Variants in ITGAL observed in about 807,000 individuals in gnomAD.
ITGAL encodes the protein integrin subunit alpha L.
Under a neutral mutation model 138.4 loss-of-function variants are expected in ITGAL, and 68 were observed. The observed-to-expected ratio is 0.49, with a 90% CI of 0.40 to 0.60. The LOEUF (loss-of-function observed/expected upper bound fraction) is 0.60. Among genes scored for constraint, ITGAL ranks in the 20% least tolerant of loss-of-function variants. The pLI, the probability that ITGAL is intolerant of heterozygous loss-of-function variation, is 0.00. For missense variants in ITGAL, 1,256 were observed against 1,478.6 expected (o/e 0.85, Z 2.47); for synonymous variants, 561 against 584.3 (o/e 0.96, Z 0.57).
In ITGAL at chr16:30,516,967, T is replaced by A. The variant is rs1480999598; in HGVS notation, c.2863-6T>A. The A allele has an allele frequency of 2.5e-6, 4 of 1,603,838 alleles. No individual in the cohort carries two copies. The highest frequency in any genetic ancestry group is 1.1e-5 in the South Asian group (1 of 90,876). The stretch of plus-strand genomic sequence containing the variant: ...AGGGCTCTGCATCCCTTGTCCTCTG[T>A]GCCAGGTGAGGATCCAGCCTTCCAT... On this transcript the variant is annotated splice_region_variant and splice_polypyrimidine_tract_variant and intron_variant, in intron 25 of 30. Transcript: ENST00000356798.
chr16:30,499,457 A>T lies in ITGAL; in HGVS notation c.2113A>T (p.Met705Leu). The T allele has an allele frequency of 6.2e-7, 1 of 1,613,890 alleles. No homozygotes were observed. The highest frequency in any genetic ancestry group is 8.5e-7 in the Non-Finnish European group (1 of 1,180,018). ...LRRNIAVTTS[M>L]SCTDFSFHFP... Reference sequence around the variant, plus strand: ...AAGGAATATAGCTGTCACCACCAGCATGTCATGCACTGACTTCTCATTTCA... The same window carrying T: ...AAGGAATATAGCTGTCACCACCAGCTTGTCATGCACTGACTTCTCATTTCA... Residue 705 changes from methionine to leucine, a missense_variant, in exon 17 of 31, where the codon ATG (methionine) becomes TTG (leucine). Met to Leu is a conservative substitution (Grantham distance 15, BLOSUM62 2). Transcript: ENST00000356798.
intron 9 of ITGAL, 29 bp downstream of exon 9, chr16:30,484,292 G>C: frequency 1.3e-6 from 2 of 1,599,068 alleles, no homozygotes; most frequent in South Asian, 1.1e-5. Flanking sequence ...GAGAGGGCTC[G>C]GGAGTCTGCA....
chr16:30,512,516 G>A (rs181068425), intron 24 of ITGAL, among the ~76,000 whole-genome samples: 3 of 151,326 alleles, frequency 2.0e-5, no homozygotes, highest in African/African-American at 7.3e-5. Flanking sequence ...GAACCCGGGT[G>A]GAGGAGGTTG....
At chr16:30,476,270 T>C (rs950321995) in intron 4 of ITGAL, among the ~76,000 whole-genome samples, 6 of 151,800 alleles carry the variant, frequency 4.0e-5, no homozygotes, top group African/African-American at 1.5e-4. Context: ...AAAAGAATCT[T>C]CCTGCCTCAG....
At chr16:30,516,945 G>T (rs1285966872) in intron 25 of ITGAL, 28 bp from the exon 26 acceptor site, 1 of 1,518,298 alleles carries the variant, frequency 6.6e-7, no homozygotes, top group Non-Finnish European at 9.1e-7. Context: ...GGCATTCAGG[G>T]CTCTGCATCC....
chr16:30,507,011 A>G (rs1196146300), intron 21 of ITGAL, among the ~76,000 whole-genome samples, 155 bp downstream of exon 21: 1 of 152,194 alleles, frequency 6.6e-6, no homozygotes, highest in Non-Finnish European at 1.5e-5. Flanking sequence ...CTCGAGCTGT[A>G]TGATCCGAGG....
At chr16:30,487,632 G>A (rs1767117087) in intron 9 of ITGAL, among the ~76,000 whole-genome samples, 1 of 150,452 alleles carries the variant, frequency 6.6e-6, no homozygotes, top group East Asian at 2.0e-4. Flanking sequence ...GGCTGGTCTT[G>A]AACTCCTAAC....
At chr16:30,478,205 G>A (rs895546806) in intron 4 of ITGAL, among the ~76,000 whole-genome samples, 2 of 151,434 alleles carry the variant, frequency 1.3e-5, no homozygotes, top group Non-Finnish European at 2.9e-5. Flanking sequence ...GTGGTGGTGG[G>A]CACCTGTAGT....
At chr16:30,474,036 G>C (rs1206896412) in intron 1 of ITGAL, 160 bp from the exon 2 acceptor site, 1 of 699,682 alleles carries the variant, frequency 1.4e-6, no homozygotes, top group Non-Finnish European at 2.6e-6. Context: ...GCCGGGAGTT[G>C]CTCCTTCCAT....
chr16:30,518,311 T>A (rs747259054), intron 28 of ITGAL, among the ~76,000 whole-genome samples: 8 of 151,902 alleles, frequency 5.3e-5, no homozygotes, highest in Non-Finnish European at 8.8e-5. Context: ...TAGCCGGGCG[T>A]GGTGGCACAT....
chr16:30,506,308 C>A (rs1370938067), intron 20 of ITGAL, among the ~76,000 whole-genome samples: 1 of 147,232 alleles, frequency 6.8e-6, no homozygotes, highest in African/African-American at 2.5e-5. Flanking sequence ...AATCCCAGCA[C>A]TTTGGGAGGC....
chr16:30,484,569 C>T (rs2050611992), intron 9 of ITGAL, among the ~76,000 whole-genome samples: 1 of 151,580 alleles, frequency 6.6e-6, no homozygotes, highest in Non-Finnish European at 1.5e-5. Flanking sequence ...GATCGCACCA[C>T]ACTGCACTCC....
chr16:30,499,195 A>G lies in ITGAL; in HGVS notation c.1954A>G (p.Ile652Val), dbSNP rs887310692. The G allele has an allele frequency of 5.0e-6, 8 of 1,614,198 alleles. No homozygotes were observed. Among genetic ancestry groups the G allele is most frequent in the Admixed American group, 3.3e-5 (2 of 60,010 alleles). ...GATGAAAGAAGGAGTTAATATCACA[A>G]TCTGTTTCCAGATCAAGTCTCTCAT... is the stretch of plus-strand genomic sequence containing the variant. Reference protein sequence around the residue: ...NKMKEGVNITICFQIKSLIPQ... With the variant: ...NKMKEGVNITVCFQIKSLIPQ... Residue 652 changes from isoleucine to valine, a missense_variant, in exon 16 of 31, where the codon ATC (isoleucine) becomes GTC (valine). By Grantham distance (29) the Ile-to-Val change is conservative. Around this residue, in one of 3 missense-constraint regions of ITGAL, gnomAD observed 867 missense variants for 972.5 expected, o/e 0.89. Transcript: ENST00000356798.
chr16:30,490,063 C>T (rs1411673523), intron 11 of ITGAL, among the ~76,000 whole-genome samples: 3 of 151,708 alleles, frequency 2.0e-5, no homozygotes, highest in African/African-American at 7.3e-5. Flanking sequence ...CCCATCTCTA[C>T]TAAAAATACA....
rs771853948 is a variant in ITGAL at position 30,494,671 on chromosome 16, G to A, written c.1366-42G>A. 3.2e-6 allele frequency: 5 copies of A among 1,567,186 alleles called. No individual in the cohort carries two copies. In the South Asian group the frequency reaches 3.5e-5, roughly 11 times the overall value. On this transcript the variant is annotated intron_variant, in intron 12 of 30. Transcript: ENST00000356798. This position sits in a 1 kb window ranked among gnomAD's most constrained non-coding sequence, Gnocchi z 4.2. ...AGGTATCTCCCTGCCAACCCCTGCT[G>A]TTCCCACAGGCGCTTCCCCAAACAC...
chr16:30,494,117 A>T lies in ITGAL; in HGVS notation c.1214-95A>T. Reference sequence around the variant, plus strand: ...TCAGCTGTTTCCATGCATCTCTGCTACTAACCCAATTCCCTGGGGCCCCTG... The same window carrying T: ...TCAGCTGTTTCCATGCATCTCTGCTTCTAACCCAATTCCCTGGGGCCCCTG... On this transcript the variant is annotated intron_variant, in intron 11 of 30. Coordinates refer to ENST00000356798, the MANE Select transcript of ITGAL (RefSeq NM_002209.3). The surrounding 1 kb of genome is among the most constrained non-coding windows in gnomAD (Gnocchi z 4.2). 1 of 1,083,790 alleles carries T rather than the reference A, an allele frequency of 9.2e-7. No homozygotes were observed. The highest frequency in any genetic ancestry group is 1.3e-6 in the Non-Finnish European group (1 of 748,894). 67.1% of individuals were successfully genotyped at this position (1,083,790 alleles called of 1,614,324 possible).
chr16:30,474,581 C>A, intron 2 of ITGAL: 1 of 399,090 alleles, frequency 2.5e-6, no homozygotes, highest in Non-Finnish European at 4.6e-6. Context: ...CTCCCTTACT[C>A]CCCTGCGAGC....
In ITGAL at chr16:30,517,912, A is replaced by AG. The variant is rs2051194469; in HGVS notation, c.3132+18dup. On this transcript the variant is annotated intron_variant, in intron 28 of 30. Transcript: ENST00000356798. Reference sequence around the variant, plus strand: ...GAGATCGAGGTAGTCCCCGCTCCTAAGAGATGTGGAGCTGCTGTGGGGGCC... The same window carrying AG: ...GAGATCGAGGTAGTCCCCGCTCCTAAGGAGATGTGGAGCTGCTGTGGGGGCC... The AG allele has an allele frequency of 6.2e-7, 1 of 1,610,748 alleles. No homozygotes were observed. Among genetic ancestry groups the AG allele is most frequent in the Admixed American group, 1.7e-5 (1 of 59,984 alleles).
At chr16:30,487,569 C>A (rs2050666011) in intron 9 of ITGAL, among the ~76,000 whole-genome samples, 1 of 151,878 alleles carries the variant, frequency 6.6e-6, no homozygotes, top group Admixed American at 6.6e-5. Context: ...GCCACCACAC[C>A]CAGATAAATT....
Sources: gnomAD v4.1 joint callset for allele counts (sites outside exome capture counted in the v4.1 genomes callset) on GRCh38, gnomAD v4.1.1 for gene constraint, gnomAD v4.1.1 regional missense constraint, Gnocchi (gnomAD v3.1) non-coding constraint, MANE v1.5 for transcripts, NCBI Gene and HGNC (gene_info 2026-07-23, HGNC 2026-07-21) for gene names.